CFAP299: variants seen among roughly 807,000 people sequenced by gnomAD.
The protein encoded by CFAP299 is cilia- and flagella-associated protein 299.
A neutral mutation model predicts 27.0 loss-of-function variants in CFAP299; 21 were observed. The observed-to-expected ratio is 0.78, with a 90% CI of 0.55 to 1.12. The LOEUF is 1.12. Among genes scored for constraint, CFAP299 ranks in the 50% most tolerant of loss-of-function variants. The probability of loss-of-function intolerance (pLI) is 0.00; values close to 1 mark genes in which losing one functional copy is unlikely to be tolerated. For synonymous variants in CFAP299, 104 were observed against 98.1 expected (o/e 1.06, Z -0.36); for missense variants, 310 against 276.6 (o/e 1.12, Z -0.86).
chr4:80,783,403 A>G (rs1162874934), intron 3 of CFAP299, among the ~76,000 whole-genome samples: 2 of 152,142 alleles, frequency 1.3e-5, no homozygotes, highest in African/African-American at 2.4e-5. Flanking sequence ...CCTCCATTTT[A>G]TAGATGAGAA....
intron 3 of CFAP299, among the ~76,000 whole-genome samples, chr4:80,747,372 C>G (rs1724682972): frequency 1.3e-5 from 2 of 152,014 alleles, no homozygotes; most frequent in Admixed American, 6.6e-5. Context: ...CACACTATCA[C>G]TAAACAGGAG....
At chr4:80,776,911 A>G (rs930759143) in intron 3 of CFAP299, among the ~76,000 whole-genome samples, 2 of 151,042 alleles carry the variant, frequency 1.3e-5, no homozygotes, top group African/African-American at 4.9e-5. Flanking sequence ...ACACAGTCTT[A>G]TTCAACCTGA....
intron 3 of CFAP299, among the ~76,000 whole-genome samples, chr4:80,657,547 G>A (rs1326958656): frequency 6.6e-6 from 1 of 152,062 alleles, no homozygotes; most frequent in Non-Finnish European, 1.5e-5. Context: ...TAGATGTGTG[G>A]AATTATTTCT....
At chr4:80,822,333 C>A (rs1358272844) in intron 3 of CFAP299, among the ~76,000 whole-genome samples, 1 of 151,896 alleles carries the variant, frequency 6.6e-6, no homozygotes, top group South Asian at 2.1e-4. Flanking sequence ...TTTTAAATTC[C>A]ATGAATTCAC....
At chr4:80,794,402 C>G (rs1434527611) in intron 3 of CFAP299, among the ~76,000 whole-genome samples, 1 of 152,172 alleles carries the variant, frequency 6.6e-6, no homozygotes, top group Non-Finnish European at 1.5e-5. Flanking sequence ...CCCTTGATTC[C>G]TGGACCTGTG....
intron 3 of CFAP299, among the ~76,000 whole-genome samples, chr4:80,711,226 G>T (rs887096726): frequency 6.6e-6 from 1 of 152,182 alleles, no homozygotes; most frequent in Non-Finnish European, 1.5e-5. Context: ...GCAGGGGAGA[G>T]CCGGCTGTTC....
At chr4:80,953,937 A>G (rs1737917202) in intron 5 of CFAP299, among the ~76,000 whole-genome samples, 1 of 152,210 alleles carries the variant, frequency 6.6e-6, no homozygotes, top group African/African-American at 2.4e-5. Context: ...CAACCTAATC[A>G]AACATGATGC....
At chr4:80,394,239 C>A (rs1012677270) in intron 2 of CFAP299, among the ~76,000 whole-genome samples, 13 of 152,068 alleles carry the variant, frequency 8.5e-5, no homozygotes, top group Admixed American at 3.9e-4. Context: ...CATATGTCTT[C>A]TTTTGAAAAA....
At chr4:80,751,981 C>G (rs1724956857) in intron 3 of CFAP299, among the ~76,000 whole-genome samples, 1 of 152,120 alleles carries the variant, frequency 6.6e-6, no homozygotes, top group Non-Finnish European at 1.5e-5. Flanking sequence ...TCTGTGGGTG[C>G]CTGAGCTGCT....
At chr4:80,330,320 G>T in the CFAP299 span, among the ~76,000 whole-genome samples, 1 of 152,036 alleles carries the variant, frequency 6.6e-6, no homozygotes, top group Non-Finnish European at 1.5e-5. Flanking sequence ...TGATGATCAC[G>T]TCTTTGCAAA....
At chr4:80,589,197 C>T (rs904529526) in intron 3 of CFAP299, among the ~76,000 whole-genome samples, 4 of 152,084 alleles carry the variant, frequency 2.6e-5, no homozygotes, top group Non-Finnish European at 5.9e-5. Flanking sequence ...TGATTTATAT[C>T]TTTATTTCTG....
intron 2 of CFAP299, among the ~76,000 whole-genome samples, chr4:80,573,229 T>C (rs1259779868): frequency 6.6e-6 from 1 of 152,172 alleles, no homozygotes; most frequent in Non-Finnish European, 1.5e-5. Flanking sequence ...TTAATGATGT[T>C]GAACACCTTT....
At chr4:80,386,516 G>GGGGC (rs71602429) in intron 2 of CFAP299, 1 of 1,487,496 alleles carries the variant, frequency 6.7e-7, no homozygotes, top group Non-Finnish European at 9.1e-7. Context: ...CGGTGGTGGG[G>GGGGC]GGGGGGGGTG....
At position 80,559,861 on chromosome 4, in the gene CFAP299, A is replaced by G. The variant is rs377264163; in HGVS notation, c.243-23232A>G. 7.7e-4 allele frequency among the ~76,000 whole-genome samples: 117 copies of G among 152,258 alleles called. 3 individuals carry two copies. The South Asian group carries it at 0.024, about 31-fold the overall frequency. ...ACCCCTCACTACTGAGGGCTACTGT[A>G]CTCTGTGTCTCCAAGTAAACTTGAA... is the stretch of plus-strand genomic sequence containing the variant. On this transcript the variant is annotated intron_variant, in intron 2 of 5. Transcript: ENST00000358105.
chr4:80,750,454 C>T (rs1724868159), intron 3 of CFAP299, among the ~76,000 whole-genome samples: 1 of 152,104 alleles, frequency 6.6e-6, no homozygotes, highest in Non-Finnish European at 1.5e-5. Context: ...GAACAAGAAT[C>T]TTATATAATA....
intron 2 of CFAP299, among the ~76,000 whole-genome samples, chr4:80,572,150 CAA>C (rs1372693750): frequency 5.9e-5 from 9 of 152,098 alleles, no homozygotes; most frequent in Admixed American, 5.9e-4. Flanking sequence ...TTCATCACCT[CAA>C]GCATTTATCC....
chr4:80,595,122 G>A (rs17004950), intron 3 of CFAP299, among the ~76,000 whole-genome samples: 1 of 152,052 alleles, frequency 6.6e-6, no homozygotes, highest in Non-Finnish European at 1.5e-5. Context: ...TTTCATATGG[G>A]TAGAGGGTAT....
At chr4:80,799,076 GAACT>G (rs978223421) in intron 3 of CFAP299, among the ~76,000 whole-genome samples, 2 of 143,108 alleles carry the variant, frequency 1.4e-5, no homozygotes, top group Non-Finnish European at 3.0e-5. Context: ...TAAAGGAACA[GAACT>G]AATAGTGTGT....
chr4:80,756,406 G>A (rs919505978), intron 3 of CFAP299, among the ~76,000 whole-genome samples: 4 of 152,008 alleles, frequency 2.6e-5, no homozygotes, highest in African/African-American at 9.7e-5. Flanking sequence ...TTCAACAAAT[G>A]AAATCAGTTG....
Sources: gnomAD v4.1 joint callset for allele counts (sites outside exome capture counted in the v4.1 genomes callset) on GRCh38, gnomAD v4.1.1 for gene constraint, MANE v1.5 for transcripts, NCBI Gene and HGNC (gene_info 2026-07-23, HGNC 2026-07-21) for gene names.